CDH18: variants seen among roughly 807,000 people sequenced by gnomAD.
The protein encoded by CDH18 is cadherin 18.
CDH18 carries 31 observed loss-of-function variants against 67.9 expected under a neutral mutation model. The observed-to-expected ratio is 0.46, with a 90% CI of 0.34 to 0.62. The LOEUF (loss-of-function observed/expected upper bound fraction) is 0.62. Ranked by LOEUF, CDH18 falls within the 20% of genes least tolerant of loss-of-function variation. The pLI is 0.01. For missense variants in CDH18, 890 were observed against 975.5 expected (o/e 0.91, Z 1.17); for synonymous variants, 362 against 347.2 (o/e 1.04, Z -0.48).
intron 5 of CDH18, among the ~76,000 whole-genome samples, chr5:19,683,395 C>T (rs1760615437): frequency 1.3e-5 from 2 of 152,036 alleles, no homozygotes; most frequent in Non-Finnish European, 2.9e-5. Flanking sequence ...CATAGATACC[C>T]ATGCTGGTTT....
chr5:19,913,426 C>T (rs759065171), intron 2 of CDH18, among the ~76,000 whole-genome samples: 8 of 152,110 alleles, frequency 5.3e-5, no homozygotes, highest in Non-Finnish European at 8.8e-5. Context: ...TTAGAAACTT[C>T]GATCACAAAT....
In CDH18 at chr5:20,228,692, A is replaced by G. The variant is rs1405275818; in HGVS notation, c.-518+26752T>C. ...TGAGATCAACTTTTTTAGGTTTTACATATGAGTGAGATAATATGGTATTTG... is the reference window on the plus strand; with the variant it reads ...TGAGATCAACTTTTTTAGGTTTTACGTATGAGTGAGATAATATGGTATTTG... On this transcript the variant is annotated intron_variant, in intron 2 of 14. Coordinates refer to the CDH18 transcript ENST00000507958. 5.3e-5 allele frequency among the ~76,000 whole-genome samples: 8 copies of G among 152,182 alleles called. No individual in the cohort carries two copies. The East Asian group carries it at 1.2e-3, about 22-fold the overall frequency.
intron 2 of CDH18, among the ~76,000 whole-genome samples, chr5:20,036,206 G>A (rs571816652): frequency 6.4e-4 from 98 of 152,126 alleles, no homozygotes; most frequent in African/African-American, 2.2e-3. Flanking sequence ...TTCACCAGGT[G>A]AACTTTAACA....
chr5:20,567,086 T>G (rs2126662366), intron 1 of CDH18, among the ~76,000 whole-genome samples: 1 of 152,294 alleles, frequency 6.6e-6, no homozygotes, highest in East Asian at 1.9e-4. Flanking sequence ...ATTCAGTCAG[T>G]ATTGAGTCAG....
chr5:20,091,059 GA>G lies in CDH18; in HGVS notation c.-517-99046del, dbSNP rs113071916. Among the ~76,000 whole-genome samples the G allele has an allele frequency of 7.5e-3, 773 of 102,552 alleles. 3 individuals are homozygous for G. The highest frequency in any genetic ancestry group is 0.015 in the African/African-American group (401 of 27,256). The allele number at this position is 102,552 out of a possible 152,430, so 67.3% of individuals were successfully genotyped here. A position where few individuals can be genotyped will look rare whatever the true frequency, so the allele number is the denominator to read the frequency against. On this transcript the variant is annotated intron_variant, in intron 2 of 14. Transcript: ENST00000507958. ...AATGAGAACCTGTCTCCAAAATAAA[GA>G]AAAAAAAAAAGGGAAAACAAAACAA...
At chr5:19,672,885 G>T (rs1020595297) in intron 5 of CDH18, among the ~76,000 whole-genome samples, 6 of 151,932 alleles carry the variant, frequency 3.9e-5, no homozygotes, top group African/African-American at 1.4e-4. Context: ...TTAAGTGTCA[G>T]ATTTTGAAAC....
chr5:20,280,086 C>T (rs1354386538), intron 1 of CDH18, among the ~76,000 whole-genome samples: 1 of 152,036 alleles, frequency 6.6e-6, no homozygotes, highest in Non-Finnish European at 1.5e-5. Flanking sequence ...ACTACTCATA[C>T]CTCAAACAAT....
At chr5:19,833,041 T>A (rs1167044374) in intron 3 of CDH18, among the ~76,000 whole-genome samples, 1 of 152,054 alleles carries the variant, frequency 6.6e-6, no homozygotes, top group Non-Finnish European at 1.5e-5. Flanking sequence ...TTTAAAATAG[T>A]TTTTTTCTAA....
At chr5:20,476,635 T>G (rs1024814385) in intron 1 of CDH18, among the ~76,000 whole-genome samples, 9 of 152,196 alleles carry the variant, frequency 5.9e-5, no homozygotes, top group Non-Finnish European at 1.3e-4. Context: ...TGCATTTGTA[T>G]TACACATTTA....
At chr5:20,505,006 A>G (rs1754570946) in intron 1 of CDH18, among the ~76,000 whole-genome samples, 1 of 151,996 alleles carries the variant, frequency 6.6e-6, no homozygotes, top group Admixed American at 6.6e-5. Context: ...TGACCTCGTG[A>G]TCCAGCCGCT....
At chr5:20,469,618 G>T (rs921414534) in intron 1 of CDH18, among the ~76,000 whole-genome samples, 3 of 151,996 alleles carry the variant, frequency 2.0e-5, no homozygotes, top group African/African-American at 4.8e-5. Flanking sequence ...GAGGATTTGG[G>T]GCCTGTTTTA....
chr5:19,942,183 A>C (rs541691578), intron 2 of CDH18, among the ~76,000 whole-genome samples: 21 of 152,280 alleles, frequency 1.4e-4, no homozygotes, highest in African/African-American at 5.1e-4. Context: ...ATTCCCAACT[A>C]GTATTGAAAT....
chr5:19,813,061 G>A (rs1778913103), intron 3 of CDH18, among the ~76,000 whole-genome samples: 1 of 152,058 alleles, frequency 6.6e-6, no homozygotes, highest in African/African-American at 2.4e-5. Context: ...AACACCGCAT[G>A]TTCCCACTCA....
chr5:19,909,327 G>T (rs1262063772), intron 2 of CDH18, among the ~76,000 whole-genome samples: 2 of 147,546 alleles, frequency 1.4e-5, no homozygotes, highest in African/African-American at 5.0e-5. Context: ...TTGAGATGGG[G>T]TCTTGCTCCT....
chr5:20,494,348 G>A (rs140491310), intron 1 of CDH18, among the ~76,000 whole-genome samples: 2 of 152,158 alleles, frequency 1.3e-5, no homozygotes, highest in African/African-American at 4.8e-5. Context: ...AAGCAGTAAT[G>A]TCTGCAGGGA....
At chr5:19,541,513 C>A (rs755631376) in intron 9 of CDH18, among the ~76,000 whole-genome samples, 1 of 152,168 alleles carries the variant, frequency 6.6e-6, no homozygotes, top group African/African-American at 2.4e-5. Flanking sequence ...TAAAGACATA[C>A]CCGAGACTGG....
chr5:20,547,194 G>A (rs1008335241), intron 1 of CDH18, among the ~76,000 whole-genome samples: 2 of 151,968 alleles, frequency 1.3e-5, no homozygotes, highest in Non-Finnish European at 2.9e-5. Context: ...ACTGCTAAAG[G>A]GAAAACAGTG....
chr5:19,592,178 T>C (rs1376244951), intron 6 of CDH18, among the ~76,000 whole-genome samples: 1 of 151,962 alleles, frequency 6.6e-6, no homozygotes. Flanking sequence ...AAGTAGCTCA[T>C]TAGACAGATG....
chr5:19,790,492 A>T (rs926699904), intron 3 of CDH18, among the ~76,000 whole-genome samples: 3 of 152,184 alleles, frequency 2.0e-5, no homozygotes, highest in African/African-American at 7.2e-5. Context: ...CCAGCTGCTG[A>T]CACATAGATA....
Sources: allele counts gnomAD v4.1 joint callset (sites outside exome capture counted in the v4.1 genomes callset), GRCh38; gene constraint gnomAD v4.1.1; transcripts MANE v1.5; gene names NCBI Gene and HGNC (gene_info 2026-07-23, HGNC 2026-07-21).